Variants in FAM185A observed in about 807,000 individuals in gnomAD.
FAM185A encodes family with sequence similarity 185 member A.
In FAM185A, 21 loss-of-function variants were observed where a neutral mutation model predicts 45.7. That is an observed-to-expected ratio of 0.46 (90% confidence interval 0.33 to 0.66). The LOEUF is 0.66. Among genes scored for constraint, FAM185A ranks in the 30% least tolerant of loss-of-function variants. The pLI, the probability that FAM185A is intolerant of heterozygous loss-of-function variation, is 0.03. For missense variants in FAM185A, 305 were observed against 485.4 expected (o/e 0.63, Z 3.49); for synonymous variants, 117 against 194.0 (o/e 0.60, Z 3.30).
intron 3 of FAM185A, among the ~76,000 whole-genome samples, chr7:102,760,792 G>A (rs936713115): frequency 6.6e-6 from 1 of 152,000 alleles, no homozygotes; most frequent in African/African-American, 2.4e-5. Context: ...TATAAGGATT[G>A]GAAGGGAGGA....
the FAM185A span, among the ~76,000 whole-genome samples, chr7:102,849,318 G>A: frequency 6.6e-6 from 1 of 152,160 alleles, no homozygotes; most frequent in Non-Finnish European, 1.5e-5. Context: ...AGTAATTAAA[G>A]CCAGATCCTA....
At position 102,749,074 on chromosome 7, in the gene FAM185A, C is replaced by A. The variant is rs750372938; in HGVS notation, c.-134C>A. The A allele has an allele frequency of 2.2e-6, 3 of 1,345,170 alleles. No homozygotes were observed. Among genetic ancestry groups the A allele is most frequent in the Non-Finnish European group, 3.1e-6 (3 of 963,348 alleles). 83.3% of individuals were successfully genotyped at this position (1,345,170 alleles called of 1,614,324 possible). ...GAACGCCTAGTCAAGCCAACCGGCT[C>A]GCTCTTGTTTCAGCAAACCCTGACT... On this transcript the variant is annotated 5_prime_UTR_variant, in exon 1 of 8. Transcript: ENST00000413034.
At chr7:102,787,553 T>C (rs1584337452) in intron 7 of FAM185A, 84 bp downstream of exon 7, 2 of 1,303,888 alleles carry the variant, frequency 1.5e-6, no homozygotes, top group Non-Finnish European at 2.0e-6. Flanking sequence ...ACGGAAGTTT[T>C]AGCTTTTTTA....
the FAM185A span, among the ~76,000 whole-genome samples, chr7:102,820,672 G>T: frequency 6.6e-6 from 1 of 152,128 alleles, no homozygotes; most frequent in Non-Finnish European, 1.5e-5. Flanking sequence ...GAAATTTATT[G>T]CTCATAGTTA....
intron 5 of FAM185A, 48 bp downstream of exon 5, chr7:102,772,498 G>A (rs1176279749): frequency 3.0e-6 from 4 of 1,312,200 alleles, no homozygotes; most frequent in Non-Finnish European, 4.2e-6. Context: ...TTTTAAAAAT[G>A]GGTATATTTG....
intron 3 of FAM185A, among the ~76,000 whole-genome samples, chr7:102,760,252 A>ATT (rs1794029669): frequency 6.6e-6 from 1 of 151,864 alleles, no homozygotes; most frequent in Non-Finnish European, 1.5e-5. Context: ...TAAGTGAAAA[A>ATT]TTTTTCTTTT....
intron 6 of FAM185A, among the ~76,000 whole-genome samples, chr7:102,779,980 A>G (rs6979964): frequency 0.46 from 69,246 of 150,656 alleles, 17,740 homozygotes; most frequent in African/African-American, 0.7. Flanking sequence ...CAAAGTACTG[A>G]GATTACAGCC....
Position 102,787,340 on chromosome 7 carries a change from A to T in FAM185A, c.937A>T (p.Ile313Phe), listed in dbSNP as rs1184852597. The T allele has an allele frequency of 6.8e-7, 1 of 1,462,742 alleles. No homozygotes were observed. The highest frequency in any genetic ancestry group is 9.1e-7 in the Non-Finnish European group (1 of 1,096,006). 90.6% of individuals were successfully genotyped at this position (1,462,742 alleles called of 1,614,324 possible). The stretch of plus-strand genomic sequence containing the variant: ...CTCCATTATATTTATTACAGGTTCT[A>T]TTATTGTCAAGGTCCCATCTTCACT... ...KVELKSHKGS[I>F]IVKVPSSLQA... The change falls in exon 7 of 8, where the codon ATT becomes TTT. Residue 313 changes from isoleucine (I) to phenylalanine (F), a missense_variant. Transcript: ENST00000413034.
At chr7:102,799,252 A>G (rs1311223895) in intron 7 of FAM185A, among the ~76,000 whole-genome samples, 1 of 152,144 alleles carries the variant, frequency 6.6e-6, no homozygotes, top group Admixed American at 6.5e-5. Flanking sequence ...CCAGCTTATC[A>G]AAGCTAATTA....
At chr7:102,768,264 T>G (rs1372151475) in intron 4 of FAM185A, among the ~76,000 whole-genome samples, 1 of 141,904 alleles carries the variant, frequency 7.0e-6, no homozygotes, top group Non-Finnish European at 1.6e-5. Context: ...ATATACATTT[T>G]TACCTGTTTT....
At position 102,749,392 on chromosome 7, in the gene FAM185A, G is replaced by C. The variant is rs1562837506; in HGVS notation, c.185G>C (p.Arg62Pro). Residue 62 changes from arginine to proline, a missense_variant, in exon 1 of 8, where the codon CGA becomes CCA. Physicochemically the swap from Arg to Pro is moderately radical, Grantham distance 103. Coordinates refer to ENST00000413034, the MANE Select transcript of FAM185A (RefSeq NM_001145268.2). ...TEVPPPGPGRRTLKEWTLQVS... is the reference protein window; with the variant it reads ...TEVPPPGPGRPTLKEWTLQVS... Reference sequence around the variant, plus strand: ...GTCCCTCCGCCTGGCCCGGGGCGCCGAACTCTGAAGGAGTGGACACTGCAG... The same window carrying C: ...GTCCCTCCGCCTGGCCCGGGGCGCCCAACTCTGAAGGAGTGGACACTGCAG... 1.9e-6 allele frequency: 3 copies of C among 1,548,404 alleles called. No homozygotes were observed. Among genetic ancestry groups the C allele is most frequent in the Non-Finnish European group, 2.6e-6 (3 of 1,146,592 alleles).
At chr7:102,828,917 G>A in the FAM185A span, among the ~76,000 whole-genome samples, 1 of 152,098 alleles carries the variant, frequency 6.6e-6, no homozygotes, top group Admixed American at 6.5e-5. Flanking sequence ...GTAGCCTTGG[G>A]CACACCCAGT....
chr7:102,820,675 CAT>C, the FAM185A span, among the ~76,000 whole-genome samples: 1 of 152,160 alleles, frequency 6.6e-6, no homozygotes, highest in Non-Finnish European at 1.5e-5. Context: ...ATTTATTGCT[CAT>C]AGTTATAGAG....
chr7:102,832,938 C>T, the FAM185A span: 1 of 1,614,134 alleles, frequency 6.2e-7, no homozygotes, highest in Admixed American at 1.7e-5. Context: ...TAAGAGACAT[C>T]CAAATGTTCC....
chr7:102,807,704 G>C (rs929471267), intron 7 of FAM185A, among the ~76,000 whole-genome samples: 5 of 150,936 alleles, frequency 3.3e-5, no homozygotes, highest in Non-Finnish European at 7.4e-5. Flanking sequence ...ACGAGGTAAG[G>C]AGTTCGAGAC....
chr7:102,817,152 A>G, the FAM185A span, among the ~76,000 whole-genome samples: 1 of 152,272 alleles, frequency 6.6e-6, no homozygotes, highest in Non-Finnish European at 1.5e-5. Context: ...TGAAATGGTA[A>G]TTCTATTTTA....
the FAM185A span, chr7:102,832,829 C>T: frequency 1.9e-6 from 3 of 1,614,066 alleles, no homozygotes; most frequent in South Asian, 3.3e-5. Flanking sequence ...AGCCCTGACT[C>T]CTGCACATAC....
chr7:102,787,998 T>G (rs149972146), intron 7 of FAM185A, among the ~76,000 whole-genome samples: 1 of 152,186 alleles, frequency 6.6e-6, no homozygotes, highest in Non-Finnish European at 1.5e-5. Flanking sequence ...AGAGTCTTAC[T>G]CTATTGCCCA....
At chr7:102,845,095 G>T in the FAM185A span, among the ~76,000 whole-genome samples, 1 of 151,998 alleles carries the variant, frequency 6.6e-6, no homozygotes, top group African/African-American at 2.4e-5. Flanking sequence ...ATTTTTATGG[G>T]GGCTTCGTCA....
Sources: gnomAD v4.1 joint callset for allele counts (sites outside exome capture counted in the v4.1 genomes callset) on GRCh38, gnomAD v4.1.1 for gene constraint, MANE v1.5 for transcripts, NCBI Gene and HGNC (gene_info 2026-07-23, HGNC 2026-07-21) for gene names.